The following SRBD1 variants were observed in gnomAD, a reference collection of about 807,000 sequenced individuals.
SRBD1 encodes S1 RNA-binding domain-containing protein 1.
A neutral mutation model predicts 115.3 loss-of-function variants in SRBD1; 88 were observed. That is an observed-to-expected ratio of 0.76 (90% CI 0.64 to 0.91). The LOEUF (loss-of-function observed/expected upper bound fraction) is 0.91, where lower values mean the gene tolerates loss of function less well. Among genes scored for constraint, SRBD1 ranks in the 40% least tolerant of loss-of-function variants. SRBD1 has a pLI of 0.00. For missense variants in SRBD1, 1,385 were observed against 1,177.4 expected (o/e 1.18, Z -2.58); for synonymous variants, 509 against 407.7 (o/e 1.25, Z -2.99).
chr2:45,452,482 A>T (rs1206975320), intron 16 of SRBD1, among the ~76,000 whole-genome samples: 1 of 151,998 alleles, frequency 6.6e-6, no homozygotes. Flanking sequence ...CACGTCTTTA[A>T]CCTTTCCCAA....
chr2:45,450,712 A>G (rs1668966648), intron 16 of SRBD1, among the ~76,000 whole-genome samples: 1 of 152,108 alleles, frequency 6.6e-6, no homozygotes, highest in Admixed American at 6.6e-5. Context: ...GAAGCATCAG[A>G]GTTTTGAAGG....
Position 45,418,531 on chromosome 2 carries a change from C to G in SRBD1, c.2167G>C (p.Gly723Arg). The G allele has an allele frequency of 6.2e-7, 1 of 1,601,938 alleles. No individual in the cohort carries two copies. Among genetic ancestry groups the G allele is most frequent in the South Asian group, 1.1e-5 (1 of 89,810 alleles). ...TTTTTGGCCCTGTTGGCATTGAGTCCTGCAATATGCCTAGAAAAAAAAAAT... is the reference window on the plus strand; with the variant it reads ...TTTTTGGCCCTGTTGGCATTGAGTCGTGCAATATGCCTAGAAAAAAAAAAT... Reference protein sequence around the residue: ...CSEVLLRHIAGLNANRAKNII... With the variant: ...CSEVLLRHIARLNANRAKNII... Residue 723 changes from glycine to arginine, a missense_variant, in exon 18 of 21, where the codon GGA (glycine) becomes CGA (arginine). Physicochemically the swap from Gly to Arg is moderately radical, Grantham distance 125. Transcript: ENST00000263736.
rs1439050558 is a variant in SRBD1 at position 45,587,116 on chromosome 2, T to C, written c.649-1342A>G. 1.5e-5 allele frequency among the ~76,000 whole-genome samples: 2 copies of C among 131,844 alleles called. 1 individual carries two copies. The highest frequency in any genetic ancestry group is 3.0e-5 in the Non-Finnish European group (2 of 65,650). 86.5% of individuals were successfully genotyped at this position (131,844 alleles called of 152,430 possible). ...TTAAATATTTAATTATTTTAAAATA[T>C]AATTATTAAAATATTTAAAATTTTT... On this transcript the variant is annotated intron_variant, in intron 4 of 20. Coordinates refer to ENST00000263736, the MANE Select transcript of SRBD1 (RefSeq NM_018079.5).
intron 12 of SRBD1, 54 bp downstream of exon 12, chr2:45,551,071 G>A: frequency 3.2e-6 from 5 of 1,542,670 alleles, no homozygotes; most frequent in Admixed American, 2.3e-5. Context: ...TGTATGAAGT[G>A]AAACTTATAA....
intron 14 of SRBD1, among the ~76,000 whole-genome samples, chr2:45,490,308 C>G (rs1247886648): frequency 3.3e-5 from 5 of 152,118 alleles, no homozygotes; most frequent in Admixed American, 1.3e-4. Flanking sequence ...TTAATCAGAA[C>G]TGCATGTAAA....
chr2:45,604,746 C>T (rs57613193), intron 2 of SRBD1, among the ~76,000 whole-genome samples: 1,914 of 152,218 alleles, frequency 0.013, 27 homozygotes, highest in African/African-American at 0.036. Flanking sequence ...ATCCAAAATG[C>T]CCCCCGACTG....
chr2:45,433,557 C>T (rs1301544350), intron 16 of SRBD1, among the ~76,000 whole-genome samples: 2 of 152,096 alleles, frequency 1.3e-5, no homozygotes, highest in African/African-American at 2.4e-5. Flanking sequence ...GTCATCCAAA[C>T]GAGTGTGTGC....
intron 10 of SRBD1, among the ~76,000 whole-genome samples, chr2:45,554,466 C>T (rs1261876590): frequency 6.6e-6 from 1 of 152,184 alleles, no homozygotes; most frequent in Non-Finnish European, 1.5e-5. Flanking sequence ...GTAGACTGAG[C>T]AAAGCAGAAA....
intron 14 of SRBD1, among the ~76,000 whole-genome samples, chr2:45,518,250 C>T (rs1431294673): frequency 6.6e-6 from 1 of 152,044 alleles, no homozygotes; most frequent in South Asian, 2.1e-4. Context: ...ATAAAACTAG[C>T]AAAATATCCA....
intron 14 of SRBD1, among the ~76,000 whole-genome samples, chr2:45,496,533 A>G (rs1670465348): frequency 6.6e-6 from 1 of 152,200 alleles, no homozygotes; most frequent in Non-Finnish European, 1.5e-5. Flanking sequence ...TGCCGGCAAC[A>G]AACAGCCCAG....
Position 45,389,139 on chromosome 2 carries a change from T to C in SRBD1, c.*171A>G, listed in dbSNP as rs1666925947. 3 of 768,522 alleles carry C rather than the reference T, an allele frequency of 3.9e-6. No homozygotes were observed. Among genetic ancestry groups the C allele is most frequent in the East Asian group, 2.7e-5 (1 of 36,874 alleles). The allele number at this position is 768,522 out of a possible 1,614,324, so 47.6% of individuals were successfully genotyped here. ...TTTAAGGGAAAAGGAAATCAAACTG[T>C]TGGTTTTCTATTTATTCAGAAGAAA... On this transcript the variant is annotated 3_prime_UTR_variant, in exon 21 of 21. Transcript: ENST00000263736.
rs532639133 is a variant in SRBD1 at position 45,393,245 on chromosome 2, C to T, written c.2514-116G>A. On this transcript the variant is annotated intron_variant, in intron 19 of 20. Transcript: ENST00000263736. ...TAGACCCATAGGTCAATCAATCAGT[C>T]TTTATTGAGAATCTATTATGTGTCC... is the stretch of plus-strand genomic sequence containing the variant. The T allele has an allele frequency of 1.1e-4, 111 of 1,041,480 alleles. 1 individual carries two copies. The South Asian group carries it at 2.3e-3, about 22-fold the overall frequency. 64.5% of individuals were successfully genotyped at this position (1,041,480 alleles called of 1,614,324 possible).
At chr2:45,474,269 C>A (rs1342501830) in intron 16 of SRBD1, among the ~76,000 whole-genome samples, 1 of 152,102 alleles carries the variant, frequency 6.6e-6, no homozygotes, top group African/African-American at 2.4e-5. Flanking sequence ...ATTTGTCTAC[C>A]ATAGGTTTTC....
chr2:45,541,096 G>A lies in SRBD1; in HGVS notation c.1874+5636C>T, dbSNP rs576500851. 2.4e-4 allele frequency among the ~76,000 whole-genome samples: 37 copies of A among 152,348 alleles called. No individual in the cohort carries two copies. In the South Asian group the frequency reaches 2.5e-3, roughly 10 times the overall value. ...GCCAAGGGTGAGCCAGGCGTAGTGC[G>A]GTGAGCGGTGTGTGAGTGAGCACAG... On this transcript the variant is annotated intron_variant, in intron 14 of 20. Transcript: ENST00000263736.
intron 20 of SRBD1, 144 bp downstream of exon 20, chr2:45,392,801 A>G: frequency 1.2e-6 from 1 of 859,102 alleles, no homozygotes; most frequent in Middle Eastern, 2.8e-4. Context: ...CTTTGAAGGA[A>G]GATCACCATG....
intron 16 of SRBD1, among the ~76,000 whole-genome samples, chr2:45,452,136 T>C (rs1669017516): frequency 6.6e-6 from 1 of 152,030 alleles, no homozygotes; most frequent in Non-Finnish European, 1.5e-5. Flanking sequence ...TGCTTTCATA[T>C]GTTAAGGAGT....
At chr2:45,407,882 T>C (rs1261813795) in intron 19 of SRBD1, among the ~76,000 whole-genome samples, 1 of 151,890 alleles carries the variant, frequency 6.6e-6, no homozygotes, top group East Asian at 1.9e-4. Context: ...TAAAAAATTA[T>C]ATAAATAATA....
At chr2:45,544,553 C>T (rs1179507123) in intron 14 of SRBD1, among the ~76,000 whole-genome samples, 1 of 152,152 alleles carries the variant, frequency 6.6e-6, no homozygotes, top group Admixed American at 6.5e-5. Flanking sequence ...AAAATGGCAT[C>T]TAATTCATAT....
intron 15 of SRBD1, among the ~76,000 whole-genome samples, chr2:45,477,952 C>T (rs937822023): frequency 9.4e-5 from 12 of 128,180 alleles, no homozygotes; most frequent in African/African-American, 3.5e-4. Flanking sequence ...TTTACTTGTT[C>T]GTCATTTATT....
Sources: gnomAD v4.1 joint callset for allele counts (sites outside exome capture counted in the v4.1 genomes callset) on GRCh38, gnomAD v4.1.1 for gene constraint, MANE v1.5 for transcripts, NCBI Gene and HGNC (gene_info 2026-07-23, HGNC 2026-07-21) for gene names.